Variants in FOXP1 observed in about 807,000 individuals in gnomAD.
The protein encoded by FOXP1 is forkhead box P1.
FOXP1 carries 15 observed loss-of-function variants against 98.2 expected under a neutral mutation model. The ratio of observed to expected loss-of-function variants is 0.15; its 90% CI spans 0.10 to 0.24. FOXP1 has a LOEUF of 0.24. Ranked by LOEUF, FOXP1 falls within the 10% of genes least tolerant of loss-of-function variation. The probability of loss-of-function intolerance (pLI) is 1.00; values close to 1 mark genes in which losing one functional copy is unlikely to be tolerated. For synonymous variants in FOXP1, 371 were observed against 314.5 expected (o/e 1.18, Z -1.90); for missense variants, 633 against 848.5 (o/e 0.75, Z 3.15).
intron 3 of FOXP1, among the ~76,000 whole-genome samples, chr3:71,427,405 G>A (rs189574609): frequency 2.8e-4 from 43 of 152,278 alleles, no homozygotes; most frequent in African/African-American, 4.1e-4. Context: ...TGGCTGCAGC[G>A]AAGGGCATGT....
chr3:70,973,824 T>G (rs2036879348), intron 17 of FOXP1, among the ~76,000 whole-genome samples: 1 of 125,498 alleles, frequency 8.0e-6, no homozygotes, highest in East Asian at 2.3e-4. Context: ...TGCACAAGCG[T>G]TTTGCACACC....
intron 3 of FOXP1, among the ~76,000 whole-genome samples, chr3:71,385,629 T>C (rs888638705): frequency 6.6e-6 from 1 of 152,184 alleles, no homozygotes; most frequent in South Asian, 2.1e-4. Context: ...CAGTAATACA[T>C]ATGAATGTAT....
intron 4 of FOXP1, among the ~76,000 whole-genome samples, chr3:71,336,690 G>A (rs1282834618): frequency 6.6e-6 from 1 of 152,212 alleles, no homozygotes; most frequent in African/African-American, 2.4e-5. Context: ...GAATATCACC[G>A]TGTTGCATCT....
intron 12 of FOXP1, among the ~76,000 whole-genome samples, chr3:71,013,583 T>G (rs1448790818): frequency 1.3e-5 from 2 of 152,126 alleles, no homozygotes; most frequent in Non-Finnish European, 2.9e-5. Flanking sequence ...CCCAAGGTAA[T>G]TTATAGATTC....
intron 13 of FOXP1, among the ~76,000 whole-genome samples, chr3:70,999,408 G>A (rs1053248348): frequency 2.6e-5 from 4 of 152,076 alleles, no homozygotes; most frequent in South Asian, 2.1e-4. Flanking sequence ...GTTTGTCAAG[G>A]GCTGTGTCTT....
At chr3:71,133,486 G>A (rs909248082) in intron 6 of FOXP1, among the ~76,000 whole-genome samples, 1 of 152,140 alleles carries the variant, frequency 6.6e-6, no homozygotes, top group Non-Finnish European at 1.5e-5. Context: ...ATGTGAAATG[G>A]CTTCACGCTA....
chr3:71,169,029 T>C (rs1057414783), intron 6 of FOXP1, among the ~76,000 whole-genome samples: 3 of 152,202 alleles, frequency 2.0e-5, no homozygotes, highest in African/African-American at 7.2e-5. Flanking sequence ...ATGAGCTCTT[T>C]TTACAGCTGA....
chr3:71,094,553 G>A (rs1417215219), intron 7 of FOXP1, among the ~76,000 whole-genome samples: 3 of 152,014 alleles, frequency 2.0e-5, no homozygotes, highest in East Asian at 1.9e-4. Context: ...AACAAGCTTC[G>A]GGGTTTGGCC....
intron 12 of FOXP1, among the ~76,000 whole-genome samples, chr3:71,002,907 G>C (rs1431579200): frequency 1.3e-5 from 2 of 152,106 alleles, no homozygotes; most frequent in East Asian, 1.9e-4. Flanking sequence ...TAAAGAAAGA[G>C]GCTTTCATTC....
intron 5 of FOXP1, among the ~76,000 whole-genome samples, chr3:71,272,850 C>G (rs2070509833): frequency 1.3e-5 from 2 of 152,050 alleles, no homozygotes; most frequent in Non-Finnish European, 2.9e-5. Flanking sequence ...ACATCTCTTC[C>G]CGAACTGCTA....
chr3:71,486,783 C>T (rs1015944783), intron 3 of FOXP1, among the ~76,000 whole-genome samples: 1 of 152,112 alleles, frequency 6.6e-6, no homozygotes, highest in Non-Finnish European at 1.5e-5. Context: ...ATTACTTGAA[C>T]CAACTTAACA....
intron 3 of FOXP1, among the ~76,000 whole-genome samples, chr3:71,366,269 G>C (rs934235607): frequency 1.3e-5 from 2 of 152,040 alleles, no homozygotes; most frequent in African/African-American, 4.8e-5. Flanking sequence ...GACATAAAAT[G>C]GGTAAATTTT....
At chr3:71,364,861 T>G (rs1279279186) in intron 3 of FOXP1, among the ~76,000 whole-genome samples, 2 of 152,244 alleles carry the variant, frequency 1.3e-5, no homozygotes, top group African/African-American at 4.8e-5. Context: ...GTTTTAAACA[T>G]TTTTACATCC....
intron 7 of FOXP1, among the ~76,000 whole-genome samples, chr3:71,077,661 G>C (rs2053941380): frequency 6.6e-6 from 1 of 152,036 alleles, no homozygotes; most frequent in Admixed American, 6.5e-5. Flanking sequence ...TATTGAACTA[G>C]CTCATCAAAT....
At chr3:71,048,542 A>T (rs1256886670) in intron 9 of FOXP1, among the ~76,000 whole-genome samples, 2 of 152,168 alleles carry the variant, frequency 1.3e-5, no homozygotes, top group Non-Finnish European at 2.9e-5. Flanking sequence ...ACCACTAACA[A>T]CAAAAATTTA....
chr3:71,241,352 C>T (rs1250223783), intron 5 of FOXP1, among the ~76,000 whole-genome samples: 1 of 152,078 alleles, frequency 6.6e-6, no homozygotes, highest in Non-Finnish European at 1.5e-5. Context: ...GAAAAGCCAT[C>T]ATTTTAAATA....
At chr3:71,016,578 G>A (rs1022346177) in intron 11 of FOXP1, among the ~76,000 whole-genome samples, 2 of 151,496 alleles carry the variant, frequency 1.3e-5, no homozygotes, top group East Asian at 1.9e-4. Flanking sequence ...TTCCCTTCCC[G>A]GGAAGGGCTA....
chr3:71,269,088 G>C (rs543999256), intron 5 of FOXP1, among the ~76,000 whole-genome samples: 3 of 144,316 alleles, frequency 2.1e-5, no homozygotes, highest in Admixed American at 7.0e-5. Flanking sequence ...CTCAGAGTGG[G>C]GTTTTTTTTG....
intron 2 of FOXP1, among the ~76,000 whole-genome samples, chr3:71,500,320 C>T (rs1281854004): frequency 6.6e-6 from 1 of 152,190 alleles, no homozygotes; most frequent in Admixed American, 6.5e-5. Context: ...CTCTCTTTTT[C>T]ACTAACAATC....
Sources: allele counts gnomAD v4.1 joint callset (sites outside exome capture counted in the v4.1 genomes callset), GRCh38; gene constraint gnomAD v4.1.1; transcripts MANE v1.5; gene names NCBI Gene and HGNC (gene_info 2026-07-23, HGNC 2026-07-21).